Variants in SF3A1 observed in about 807,000 individuals in gnomAD.
The protein encoded by SF3A1 is splicing factor 3a subunit 1.
Under a neutral mutation model 89.9 loss-of-function variants are expected in SF3A1, and 13 were observed. The observed-to-expected ratio is 0.14, with a 90% confidence interval of 0.09 to 0.23. SF3A1 has a LOEUF of 0.23. Ranked by LOEUF, SF3A1 falls within the 10% of genes least tolerant of loss-of-function variation. SF3A1 has a pLI of 1.00. For synonymous variants in SF3A1, 405 were observed against 374.4 expected (o/e 1.08, Z -0.94); for missense variants, 604 against 1,022.1 (o/e 0.59, Z 5.58).
chr22:30,351,424 G>A (rs985654230), intron 2 of SF3A1, among the ~76,000 whole-genome samples: 5 of 152,224 alleles, frequency 3.3e-5, no homozygotes, highest in Non-Finnish European at 5.9e-5. Flanking sequence ...GGGGGGTGAC[G>A]TGGTCCCTGG....
intron 13 of SF3A1, among the ~76,000 whole-genome samples, chr22:30,336,424 T>C (rs1601689895): frequency 6.6e-6 from 1 of 151,968 alleles, no homozygotes; most frequent in Admixed American, 6.6e-5. Context: ...ACTCCGGAGG[T>C]TGAGGCATAA....
intron 1 of SF3A1, among the ~76,000 whole-genome samples, chr22:30,354,857 A>G (rs2145826184): frequency 6.6e-6 from 1 of 152,312 alleles, no homozygotes; most frequent in African/African-American, 2.4e-5. Flanking sequence ...CCAAGAATTC[A>G]AGGCTGCAGT....
intron 3 of SF3A1, 117 bp downstream of exon 3, chr22:30,346,195 A>G: frequency 2.7e-6 from 2 of 743,316 alleles, no homozygotes; most frequent in South Asian, 1.7e-5. Flanking sequence ...GATGGGGATA[A>G]CGACCTCACT....
Position 30,337,688 on chromosome 22 carries a change from A to T in SF3A1, c.1951+2T>A. The T allele has an allele frequency of 1.2e-6, 1 of 816,328 alleles. No individual in the cohort carries two copies. The highest frequency in any genetic ancestry group is 1.8e-6 in the Non-Finnish European group (1 of 563,226). The allele number at this position is 816,328 out of a possible 1,614,324, so 50.6% of individuals were successfully genotyped here. ...CTGGAAAATGATGCAAGAGATACTGACCTGTTGGCACAATCATGGGGGGTG... is the reference window on the plus strand; with the variant it reads ...CTGGAAAATGATGCAAGAGATACTGTCCTGTTGGCACAATCATGGGGGGTG... On this transcript the variant is annotated splice_donor_variant, in intron 12 of 15. Coordinates refer to ENST00000215793, the MANE Select transcript of SF3A1 (RefSeq NM_005877.6). LOFTEE classifies it high-confidence loss of function.
intron 2 of SF3A1, among the ~76,000 whole-genome samples, chr22:30,348,157 A>G (rs1931475673): frequency 6.6e-6 from 1 of 152,248 alleles, no homozygotes; most frequent in Non-Finnish European, 1.5e-5. Flanking sequence ...TTCAAATCGT[A>G]CAGTGGCCTG....
At chr22:30,352,169 T>C (rs555494837) in intron 2 of SF3A1, among the ~76,000 whole-genome samples, 65 of 150,520 alleles carry the variant, frequency 4.3e-4, no homozygotes, top group Non-Finnish European at 6.6e-4. Flanking sequence ...CCAATGCCCA[T>C]TCCATCTGAG....
chr22:30,354,980 T>C (rs1389069771), intron 1 of SF3A1, among the ~76,000 whole-genome samples: 1 of 152,184 alleles, frequency 6.6e-6, no homozygotes, highest in Non-Finnish European at 1.5e-5. Context: ...CCCAAGCACT[T>C]TAAATATATT....
chr22:30,339,399 C>T (rs985644598), intron 9 of SF3A1, 148 bp from the exon 10 acceptor site: 26 of 985,584 alleles, frequency 2.6e-5, no homozygotes, highest in Admixed American at 4.9e-5. Flanking sequence ...CCTCTGGGCT[C>T]GGGGAAAGCT....
Position 30,334,517 on chromosome 22 carries a change from G to C in SF3A1, c.*77C>G. ...ATGCAGGCAAGGCAAAGCCTCAGGG[G>C]GGCTCCTGGGTCTGGGGCAGGGGGT... On this transcript the variant is annotated 3_prime_UTR_variant, in exon 16 of 16. Transcript: ENST00000215793. 1.2e-6 allele frequency: 1 copy of C among 858,072 alleles called. No homozygotes were observed. The highest frequency in any genetic ancestry group is 1.8e-6 in the Non-Finnish European group (1 of 552,888). 53.2% of individuals were successfully genotyped at this position (858,072 alleles called of 1,614,324 possible). A position where few individuals can be genotyped will look rare whatever the true frequency, so the allele number is the denominator to read the frequency against.
chr22:30,342,123 T>C (rs1931278392), intron 6 of SF3A1, 77 bp downstream of exon 6: 35 of 1,531,794 alleles, frequency 2.3e-5, no homozygotes, highest in Non-Finnish European at 3.2e-5. Context: ...TACTGCTCTC[T>C]GGGAACACCT....
rs113086377 is a variant in SF3A1, at chr22:30,344,157, A to T, written c.651+776T>A. Among the ~76,000 whole-genome samples, 1,329 of 152,018 alleles carry T rather than the reference A, an allele frequency of 8.7e-3. 17 individuals are homozygous for T. Among genetic ancestry groups the T allele is most frequent in the African/African-American group, 0.03 (1,242 of 41,464 alleles). Reference sequence around the variant, plus strand: ...TTGAGTTCTTAGGGTCTGGAGTAAAAATGCCAGAGCTCAAGCCCCAGCCCT... The same window carrying T: ...TTGAGTTCTTAGGGTCTGGAGTAAATATGCCAGAGCTCAAGCCCCAGCCCT... On this transcript the variant is annotated intron_variant, in intron 4 of 15. Transcript: ENST00000215793.
At chr22:30,355,614 C>T (rs1931772427) in intron 1 of SF3A1, among the ~76,000 whole-genome samples, 1 of 152,198 alleles carries the variant, frequency 6.6e-6, no homozygotes, top group African/African-American at 2.4e-5. Context: ...GTAAGAATCG[C>T]ATCTCCTGCC....
Position 30,333,647 on chromosome 22 carries a change from CAA to C in SF3A1, c.*945_*946del, listed in dbSNP as rs1359649879. On this transcript the variant is annotated 3_prime_UTR_variant, in exon 16 of 16. Transcript: ENST00000215793. ...TATGTTCTCTGTGCCTCAGTTTACT[CAA>C]GTGTTAAACAGGAATACTCACATGA... 4.6e-5 allele frequency: 7 copies of C among 152,164 alleles called. No individual in the cohort carries two copies. The highest frequency in any genetic ancestry group is 2.0e-4 in the Admixed American group (3 of 15,278). The allele number at this position is 152,164 out of a possible 1,614,324, so 9.4% of individuals were successfully genotyped here.
At position 30,335,668 on chromosome 22, in the gene SF3A1, A is replaced by G. The variant is rs1158852732; in HGVS notation, c.2192T>C (p.Leu731Pro). The G allele has an allele frequency of 5.6e-6, 9 of 1,614,118 alleles. No homozygotes were observed. Among genetic ancestry groups the G allele is most frequent in the African/African-American group, 1.3e-5 (1 of 75,050 alleles). ...KLNGQVLVFT[L>P]PLTDQVSVIK... ...TACCCATACCTGGTCCGTGAGTGGGAGGGTGAAGACCAGCACCTGCCCATT... is the reference window on the plus strand; with the variant it reads ...TACCCATACCTGGTCCGTGAGTGGGGGGGTGAAGACCAGCACCTGCCCATT... The change falls in exon 14 of 16, where the codon CTC (leucine) becomes CCC (proline). Residue 731 changes from leucine (L) to proline (P), a missense_variant. Physicochemically the swap from Leu to Pro is moderately conservative, Grantham distance 98. Transcript: ENST00000215793.
At chr22:30,349,100 G>A (rs899409334) in intron 2 of SF3A1, among the ~76,000 whole-genome samples, 1 of 152,176 alleles carries the variant, frequency 6.6e-6, no homozygotes, top group African/African-American at 2.4e-5. Context: ...GAACATGCAG[G>A]AAATGAAAAG....
intron 11 of SF3A1, 64 bp from the exon 12 acceptor site, chr22:30,337,961 T>C (rs1197541848): frequency 3.4e-6 from 4 of 1,192,468 alleles, no homozygotes; most frequent in Admixed American, 3.9e-5. Context: ...TCACACACAG[T>C]TGGCAACTGG....
intron 2 of SF3A1, among the ~76,000 whole-genome samples, 154 bp from the exon 3 acceptor site, chr22:30,346,673 C>T (rs578103558): frequency 6.6e-6 from 1 of 152,130 alleles, no homozygotes; most frequent in Non-Finnish European, 1.5e-5. Context: ...CTGGCATTGG[C>T]GATCAGTGCC....
Position 30,348,529 on chromosome 22 carries a change from G to A in SF3A1, c.186-2010C>T, listed in dbSNP as rs1024136270. 2.6e-5 allele frequency among the ~76,000 whole-genome samples: 4 copies of A among 152,100 alleles called. No individual in the cohort carries two copies. In the East Asian group the frequency reaches 5.8e-4, roughly 22 times the overall value. On this transcript the variant is annotated intron_variant, in intron 2 of 15. Coordinates refer to ENST00000215793, the MANE Select transcript of SF3A1 (RefSeq NM_005877.6). Reference sequence around the variant, plus strand: ...TTTAAGACAGATGGCAGGAGACAGGGTACAGGCAGTGCTGTGCCCCAGATC... The same window carrying A: ...TTTAAGACAGATGGCAGGAGACAGGATACAGGCAGTGCTGTGCCCCAGATC...
chr22:30,345,793 A>G (rs1931399913), intron 3 of SF3A1, among the ~76,000 whole-genome samples: 2 of 152,228 alleles, frequency 1.3e-5, no homozygotes, highest in Non-Finnish European at 2.9e-5. Flanking sequence ...AAAACATGTC[A>G]GCCTCTCTCT....
Sources: allele counts gnomAD v4.1 joint callset (sites outside exome capture counted in the v4.1 genomes callset), GRCh38; gene constraint gnomAD v4.1.1; transcripts MANE v1.5; gene names NCBI Gene and HGNC (gene_info 2026-07-23, HGNC 2026-07-21).